The following DIDO1 variants were observed in gnomAD, a reference collection of about 807,000 sequenced individuals.
The protein encoded by DIDO1 is death-inducer obliterator 1.
DIDO1 carries 16 observed loss-of-function variants against 99.4 expected under a neutral mutation model. The observed-to-expected ratio is 0.16, with a 90% CI of 0.11 to 0.24. The LOEUF is 0.24. Among genes scored for constraint, DIDO1 ranks in the 10% least tolerant of loss-of-function variants. The probability of loss-of-function intolerance (pLI) is 1.00; values close to 1 mark genes in which losing one functional copy is unlikely to be tolerated. For synonymous variants in DIDO1, 1,366 were observed against 1,239.1 expected (o/e 1.10, Z -2.15); for missense variants, 2,996 against 3,014.0 (o/e 0.99, Z 0.14).
At chr20:62,930,528 C>T (rs1007459412), upstream of DIDO1, among the ~76,000 whole-genome samples, 1 of 152,152 alleles carries the variant, frequency 6.6e-6, no homozygotes, top group South Asian at 2.1e-4. Context: ...TGGAGCTACA[C>T]GTTCTATGCG....
In DIDO1 at chr20:62,894,648, AC is replaced by A. The variant is rs2064476106; in HGVS notation, c.2437-101del. The stretch of plus-strand genomic sequence containing the variant: ...AAGCAGTCTCATGGGATTGAGACCC[AC>A]GGGGGAGAAAAAAGGACCATCTAAT... On this transcript the variant is annotated intron_variant, in intron 10 of 15. Coordinates refer to ENST00000395343, the MANE Select transcript of DIDO1 (RefSeq NM_001193369.2). The surrounding 1 kb of genome is among the most constrained non-coding windows in gnomAD (Gnocchi z 4.4). The A allele has an allele frequency of 1.3e-6, 2 of 1,493,132 alleles. No homozygotes were observed. The highest frequency in any genetic ancestry group is 1.8e-6 in the Non-Finnish European group (2 of 1,115,352). The allele number at this position is 1,493,132 out of a possible 1,614,324, so 92.5% of individuals were successfully genotyped here. A position where few individuals can be genotyped will look rare whatever the true frequency, so the allele number is the denominator to read the frequency against.
intron 1 of DIDO1, among the ~76,000 whole-genome samples, chr20:62,922,524 C>T (rs1475533224): frequency 1.3e-5 from 2 of 151,914 alleles, no homozygotes; most frequent in Non-Finnish European, 2.9e-5. Flanking sequence ...TACAGTGTAC[C>T]AGGCAGTGTA....
chr20:62,929,335 G>T (rs1025965526), upstream of DIDO1: 3 of 152,324 alleles, frequency 2.0e-5, no homozygotes, highest in Non-Finnish European at 4.4e-5. Flanking sequence ...GCGGGGGAGG[G>T]GCACGGGGAG....
At position 62,879,043 on chromosome 20, in the gene DIDO1, GTTTT is replaced by G. The variant is rs1425791994; in HGVS notation, c.*186_*189del. On this transcript the variant is annotated 3_prime_UTR_variant, in exon 16 of 16. Coordinates refer to ENST00000395343, the MANE Select transcript of DIDO1 (RefSeq NM_001193369.2). This position sits in a 1 kb window ranked among gnomAD's most constrained non-coding sequence, Gnocchi z 6.3. ...TTTTAAATGGAAATATTAAAGTTTAGTTTTTTTAAAAAAGCATCAGAATTGTAAA... is the reference window on the plus strand; with the variant it reads ...TTTTAAATGGAAATATTAAAGTTTAGTTTAAAAAAGCATCAGAATTGTAAA... 4 of 515,604 alleles carry G rather than the reference GTTTT, an allele frequency of 7.8e-6. No homozygotes were observed. Among genetic ancestry groups the G allele is most frequent in the Non-Finnish European group, 3.1e-6 (1 of 319,414 alleles). 31.9% of individuals were successfully genotyped at this position (515,604 alleles called of 1,614,324 possible). A position where few individuals can be genotyped will look rare whatever the true frequency, so the allele number is the denominator to read the frequency against.
intron 15 of DIDO1, among the ~76,000 whole-genome samples, chr20:62,882,983 C>T (rs886883721): frequency 9.6e-5 from 12 of 124,636 alleles, no homozygotes; most frequent in Admixed American, 4.5e-4. Flanking sequence ...AGCGCAGTGG[C>T]GCGAGCTCGG....
intron 1 of DIDO1, among the ~76,000 whole-genome samples, chr20:62,921,632 ATTTTTTTT>A (rs34536561): frequency 1.5e-5 from 2 of 133,698 alleles, no homozygotes; most frequent in African/African-American, 5.7e-5. Flanking sequence ...GCTGCAGCCA[ATTTTTTTT>A]TTTTTTTTTT....
intron 8 of DIDO1, among the ~76,000 whole-genome samples, chr20:62,895,983 T>C (rs939618652): frequency 6.6e-6 from 1 of 152,098 alleles, no homozygotes. Context: ...GAGACTAATG[T>C]GGTGATAAAA....
At chr20:62,902,653 G>C (rs1312012163) in intron 6 of DIDO1, among the ~76,000 whole-genome samples, 1 of 152,182 alleles carries the variant, frequency 6.6e-6, no homozygotes, top group Non-Finnish European at 1.5e-5. Context: ...AGTTATCCTT[G>C]TGAACGGTGT....
chr20:62,879,307 T>G lies in DIDO1; in HGVS notation c.6649A>C (p.Ser2217Arg). The change falls in exon 16 of 16, where the codon AGC becomes CGC. Residue 2217 changes from serine to arginine, a missense_variant. Physicochemically the swap from Ser to Arg is moderately radical, Grantham distance 110. Around this residue, in one of 5 missense-constraint regions of DIDO1, gnomAD observed 1,562 missense variants for 1,412.6 expected, o/e 1.11. Transcript: ENST00000395343. This position sits in a 1 kb window ranked among gnomAD's most constrained non-coding sequence, Gnocchi z 6.3. ...TTCGGGTCCCGAGCGCTCTCTTTGC[T>G]CTTGCTCCGGTCCTTGCGGTCGCGG... ...RGRDRKDRSKSKESARDPKPE... is the reference protein window; with the variant it reads ...RGRDRKDRSKRKESARDPKPE... The G allele has an allele frequency of 6.3e-7, 1 of 1,579,008 alleles. No individual in the cohort carries two copies. Among genetic ancestry groups the G allele is most frequent in the Non-Finnish European group, 8.6e-7 (1 of 1,164,816 alleles).
intron 15 of DIDO1, among the ~76,000 whole-genome samples, chr20:62,882,962 G>GC (rs2064238541): frequency 9.0e-6 from 1 of 111,380 alleles, no homozygotes; most frequent in African/African-American, 3.5e-5. Context: ...TCGCTCTGTT[G>GC]CCCAGGCTGG....
intron 2 of DIDO1, among the ~76,000 whole-genome samples, chr20:62,913,066 T>C (rs75127869): frequency 3.9e-5 from 6 of 152,276 alleles, no homozygotes; most frequent in Non-Finnish European, 5.9e-5. Context: ...AATGGAAAAT[T>C]ACTTGCAACC....
intron 15 of DIDO1, chr20:62,890,069 C>A: frequency 2.0e-6 from 2 of 985,808 alleles, no homozygotes; most frequent in South Asian, 9.4e-5. Context: ...CCCTGCACAG[C>A]TATGGCAGGA....
At chr20:62,904,844 G>A (rs1188733075) in intron 6 of DIDO1, among the ~76,000 whole-genome samples, 1 of 149,066 alleles carries the variant, frequency 6.7e-6, no homozygotes, top group African/African-American at 2.5e-5. Context: ...CCTAGCATAG[G>A]TCTGCTTGCC....
rs377614435 is a variant in DIDO1, at chr20:62,881,539, C to T, written c.4417G>A (p.Val1473Met). The change falls in exon 16 of 16, where the codon GTG becomes ATG. Residue 1473 changes from valine to methionine, a missense_variant. Around this residue, in one of 5 missense-constraint regions of DIDO1, gnomAD observed 1,562 missense variants for 1,412.6 expected, o/e 1.11. Transcript: ENST00000395343. The surrounding 1 kb of genome is among the most constrained non-coding windows in gnomAD (Gnocchi z 8.3). ...TCTTCTAGCATCTTCTGTTGCTCCACCAGGGAGGGCGTCGCAGCCCCGGCC... is the reference window on the plus strand; with the variant it reads ...TCTTCTAGCATCTTCTGTTGCTCCATCAGGGAGGGCGTCGCAGCCCCGGCC... ...PVAGAATPSLVEQQKMLEELN... is the reference protein window; with the variant it reads ...PVAGAATPSLMEQQKMLEELN... 4 of 1,611,620 alleles carry T rather than the reference C, an allele frequency of 2.5e-6. No homozygotes were observed. Among genetic ancestry groups the T allele is most frequent in the Non-Finnish European group, 3.4e-6 (4 of 1,180,028 alleles).
At chr20:62,887,652 G>T (rs1420069955) in intron 15 of DIDO1, 2 of 985,214 alleles carry the variant, frequency 2.0e-6, no homozygotes, top group African/African-American at 3.5e-5. Flanking sequence ...TGGTTAACAG[G>T]CAGGCATCTT....
intron 1 of DIDO1, among the ~76,000 whole-genome samples, chr20:62,922,846 T>C (rs144036765): frequency 1.3e-5 from 2 of 152,300 alleles, no homozygotes; most frequent in Admixed American, 6.5e-5. Context: ...ACTGTTCTCA[T>C]GGAGGGCAGG....
chr20:62,925,963 G>A (rs1403114263), intron 1 of DIDO1, among the ~76,000 whole-genome samples: 7 of 152,126 alleles, frequency 4.6e-5, no homozygotes, highest in Non-Finnish European at 8.8e-5. Flanking sequence ...AAGCTAAGCC[G>A]GCCACCCCGA....
At chr20:62,920,883 A>G (rs1483659505) in intron 1 of DIDO1, among the ~76,000 whole-genome samples, 2 of 152,184 alleles carry the variant, frequency 1.3e-5, no homozygotes, top group Non-Finnish European at 2.9e-5. Flanking sequence ...ATGTTAATAT[A>G]TAATGGTTTA....
intron 3 of DIDO1, among the ~76,000 whole-genome samples, chr20:62,910,269 C>A (rs1006942444): frequency 4.6e-5 from 7 of 152,180 alleles, no homozygotes; most frequent in Non-Finnish European, 1.5e-5. Context: ...AGCAAGTCTC[C>A]CCCCAAAACT....
Sources: allele counts gnomAD v4.1 joint callset (sites outside exome capture counted in the v4.1 genomes callset), GRCh38; gene constraint gnomAD v4.1.1; regional missense constraint gnomAD v4.1.1; non-coding constraint Gnocchi (gnomAD v3.1); transcripts MANE v1.5; gene names NCBI Gene and HGNC (gene_info 2026-07-23, HGNC 2026-07-21).